Variants in ACYP2 observed in about 807,000 individuals in gnomAD.
ACYP2 encodes the protein acylphosphatase-2.
Under a neutral mutation model 11.2 loss-of-function variants are expected in ACYP2, and 12 were observed. The ratio of observed to expected loss-of-function variants is 1.08; its 90% CI spans 0.69 to 1.74. The LOEUF (loss-of-function observed/expected upper bound fraction) is 1.74, where lower values mean the gene tolerates loss of function less well. ACYP2 is among the 40% of genes most tolerant of loss of function. ACYP2 has a pLI of 0.00. For synonymous variants in ACYP2, 43 were observed against 32.2 expected (o/e 1.33, Z -1.13); for missense variants, 134 against 101.9 (o/e 1.31, Z -1.35).
chr2:54,084,141 A>G (rs1272120093), intron 4 of ACYP2, among the ~76,000 whole-genome samples: 1 of 152,214 alleles, frequency 6.6e-6, no homozygotes, highest in African/African-American at 2.4e-5. Context: ...GGTGGAGGTG[A>G]AAGGTGACCT....
At chr2:54,257,223 GA>G (rs1687597244) in intron 6 of ACYP2, among the ~76,000 whole-genome samples, 1 of 151,726 alleles carries the variant, frequency 6.6e-6, no homozygotes, top group Non-Finnish European at 1.5e-5. Context: ...TTAAAAAGAA[GA>G]AAAAAAGAGG....
chr2:53,999,115 A>T (rs1672694397), intron 2 of ACYP2, among the ~76,000 whole-genome samples: 1 of 152,220 alleles, frequency 6.6e-6, no homozygotes, highest in African/African-American at 2.4e-5. Context: ...TCTGCTACAT[A>T]AAGGGATTAA....
At chr2:54,206,390 C>T (rs1259872877) in intron 6 of ACYP2, among the ~76,000 whole-genome samples, 2 of 152,200 alleles carry the variant, frequency 1.3e-5, no homozygotes, top group Non-Finnish European at 2.9e-5. Context: ...AATTATTCTC[C>T]TATCCACTTA....
chr2:54,280,956 A>G (rs936181729), intron 6 of ACYP2, among the ~76,000 whole-genome samples: 4 of 152,208 alleles, frequency 2.6e-5, no homozygotes, highest in African/African-American at 4.8e-5. Context: ...GGGAAGGTAT[A>G]TAAAAGCCAG....
intron 4 of ACYP2, among the ~76,000 whole-genome samples, chr2:54,129,529 T>C (rs1056204602): frequency 6.6e-6 from 1 of 151,820 alleles, no homozygotes; most frequent in Non-Finnish European, 1.5e-5. Flanking sequence ...CCTAATGTTA[T>C]GTATATGCAT....
At chr2:54,267,186 T>A in intron 6 of ACYP2, 1 of 1,128,246 alleles carries the variant, frequency 8.9e-7, no homozygotes, top group Non-Finnish European at 1.2e-6. Context: ...TATTTTTTCA[T>A]CAAGAAAATG....
intron 2 of ACYP2, among the ~76,000 whole-genome samples, chr2:53,986,454 A>C (rs1455819093): frequency 6.6e-6 from 1 of 151,384 alleles, no homozygotes; most frequent in Non-Finnish European, 1.5e-5. Context: ...CTCCTGCCTC[A>C]GTCTCCTGAG....
chr2:54,049,479 C>A (rs981090061), intron 2 of ACYP2, among the ~76,000 whole-genome samples: 12 of 152,146 alleles, frequency 7.9e-5, no homozygotes, highest in Admixed American at 7.9e-4. Flanking sequence ...ACAAACAAAA[C>A]CTTCCCTTGT....
At chr2:54,221,520 C>CTTTTTTTT (rs548466074) in intron 6 of ACYP2, among the ~76,000 whole-genome samples, 6 of 127,272 alleles carry the variant, frequency 4.7e-5, no homozygotes, top group African/African-American at 1.5e-4. Flanking sequence ...GAATAAAATT[C>CTTTTTTTT]TTTTTTTTTT....
In ACYP2 at chr2:54,018,009, A is replaced by G. The variant is rs1297197064; in HGVS notation, c.63-32949A>G. On this transcript the variant is annotated intron_variant, in intron 2 of 6. Transcript: ENST00000607452. ...GCCACTGCACCTGGCCAGTGCTCCT[A>G]TTTGAAAGCACATCTTCACTCTCCC... 3.3e-5 allele frequency among the ~76,000 whole-genome samples: 5 copies of G among 152,026 alleles called. No individual in the cohort carries two copies. The East Asian group carries it at 7.7e-4, about 23-fold the overall frequency.
intron 4 of ACYP2, among the ~76,000 whole-genome samples, chr2:54,070,270 CAAAAAAAA>C (rs200624759): frequency 1.1e-5 from 1 of 89,934 alleles, no homozygotes; most frequent in African/African-American, 4.9e-5. Context: ...AAGTCCATCT[CAAAAAAAA>C]AAAAAAAAAA....
intron 2 of ACYP2, among the ~76,000 whole-genome samples, chr2:54,016,908 G>A (rs1003613167): frequency 6.6e-6 from 1 of 151,924 alleles, no homozygotes; most frequent in African/African-American, 2.4e-5. Context: ...TGTATTTTTA[G>A]TAGAGATGGG....
chr2:54,075,930 C>CT (rs1185364406), intron 4 of ACYP2, among the ~76,000 whole-genome samples: 6 of 152,048 alleles, frequency 3.9e-5, no homozygotes, highest in Non-Finnish European at 8.8e-5. Context: ...TGATATTTCT[C>CT]TTTTTTATTA....
chr2:54,143,429 TTTTTGTTTTG>T (rs548138505), intron 6 of ACYP2: 1 of 151,978 alleles, frequency 6.6e-6, no homozygotes, highest in African/African-American at 2.4e-5. Context: ...TCACGTAAGG[TTTTTGTTTTG>T]TTTTGTTTTG....
At chr2:54,297,000 C>T (rs1231589619) in intron 6 of ACYP2, among the ~76,000 whole-genome samples, 3 of 152,090 alleles carry the variant, frequency 2.0e-5, no homozygotes, top group African/African-American at 2.4e-5. Context: ...CATCCATCTA[C>T]CCATCCATCC....
At chr2:54,074,109 G>A (rs1044321984) in intron 4 of ACYP2, among the ~76,000 whole-genome samples, 2 of 152,184 alleles carry the variant, frequency 1.3e-5, no homozygotes, top group African/African-American at 4.8e-5. Flanking sequence ...GGAGGCTGAG[G>A]TGAGGAAATT....
At chr2:54,101,078 G>C (rs1468492784) in intron 4 of ACYP2, among the ~76,000 whole-genome samples, 2 of 152,090 alleles carry the variant, frequency 1.3e-5, no homozygotes, top group Non-Finnish European at 2.9e-5. Flanking sequence ...ACCACAACAG[G>C]GAGCTGTGGT....
chr2:54,249,864 C>T lies in ACYP2; in HGVS notation c.405-54824C>T, dbSNP rs192343707. On this transcript the variant is annotated intron_variant, in intron 6 of 6. Transcript: ENST00000607452. The stretch of plus-strand genomic sequence containing the variant: ...CTGGCTGAGGCAGATCACTTGAGCC[C>T]AGGAACAGTGAGGCTGCAGTGAGCT... 3.5e-3 allele frequency among the ~76,000 whole-genome samples: 515 copies of T among 145,286 alleles called. 4 individuals are homozygous for T. Among genetic ancestry groups the T allele is most frequent in the African/African-American group, 0.013 (494 of 39,336 alleles).
chr2:54,099,492 T>C (rs970163328), intron 4 of ACYP2, among the ~76,000 whole-genome samples: 1 of 152,180 alleles, frequency 6.6e-6, no homozygotes, highest in Non-Finnish European at 1.5e-5. Context: ...TTCTATGAGA[T>C]CAGTGTTTTT....
Sources: allele counts gnomAD v4.1 joint callset (sites outside exome capture counted in the v4.1 genomes callset), GRCh38; gene constraint gnomAD v4.1.1; transcripts MANE v1.5; gene names NCBI Gene and HGNC (gene_info 2026-07-23, HGNC 2026-07-21).